The following NAALADL2 variants were observed in gnomAD, a reference collection of about 807,000 sequenced individuals.
NAALADL2 encodes inactive N-acetylated-alpha-linked acidic dipeptidase-like protein 2.
NAALADL2 carries 76 observed loss-of-function variants against 87.2 expected under a neutral mutation model. The observed-to-expected ratio is 0.87, with a 90% CI of 0.72 to 1.05. The LOEUF (loss-of-function observed/expected upper bound fraction) is 1.05. Among genes scored for constraint, NAALADL2 ranks in the 50% least tolerant of loss-of-function variants. The pLI is 0.00. For missense variants in NAALADL2, 1,089 were observed against 945.8 expected (o/e 1.15, Z -1.99); for synonymous variants, 354 against 331.0 (o/e 1.07, Z -0.75).
chr3:174,966,617 T>C (rs1302262949), intron 1 of NAALADL2, among the ~76,000 whole-genome samples: 1 of 152,060 alleles, frequency 6.6e-6, no homozygotes, highest in African/African-American at 2.4e-5. Flanking sequence ...TAGATGGCGG[T>C]AACAGAGAAT....
intron 1 of NAALADL2, among the ~76,000 whole-genome samples, chr3:174,991,860 A>G (rs1746795091): frequency 6.6e-6 from 1 of 152,118 alleles, no homozygotes; most frequent in Admixed American, 6.6e-5. Flanking sequence ...CTTTTAGGAA[A>G]GGTAACGTTT....
intron 1 of NAALADL2, among the ~76,000 whole-genome samples, chr3:174,513,112 C>T (rs949359361): frequency 6.6e-6 from 1 of 152,024 alleles, no homozygotes; most frequent in African/African-American, 2.4e-5. Context: ...CAAGCGTGTG[C>T]CACCACGCCT....
At chr3:175,728,068 GT>G (rs1293543650) in intron 11 of NAALADL2, among the ~76,000 whole-genome samples, 3 of 152,048 alleles carry the variant, frequency 2.0e-5, no homozygotes, top group Non-Finnish European at 2.9e-5. Context: ...TTACTTTCAA[GT>G]AATTTTTTTA....
chr3:175,628,697 G>T (rs1727347212), intron 11 of NAALADL2, among the ~76,000 whole-genome samples: 1 of 146,832 alleles, frequency 6.8e-6, no homozygotes, highest in African/African-American at 2.5e-5. Flanking sequence ...TTTCTTGAAA[G>T]ATTGAATCAT....
chr3:175,800,138 C>A (rs1274061665), intron 13 of NAALADL2, among the ~76,000 whole-genome samples: 1 of 152,136 alleles, frequency 6.6e-6, no homozygotes, highest in Non-Finnish European at 1.5e-5. Flanking sequence ...CAGGTGACCA[C>A]AATGTGGATC....
intron 5 of NAALADL2, among the ~76,000 whole-genome samples, chr3:175,383,568 T>C (rs1445687300): frequency 1.3e-5 from 2 of 152,042 alleles, no homozygotes; most frequent in African/African-American, 2.4e-5. Flanking sequence ...TTAACCAGCA[T>C]ATCCCCTAGA....
chr3:174,781,060 A>C (rs1715911386), intron 3 of NAALADL2, among the ~76,000 whole-genome samples: 1 of 151,970 alleles, frequency 6.6e-6, no homozygotes, highest in African/African-American at 2.4e-5. Flanking sequence ...CTGGATATGA[A>C]ATTCTGGGTT....
At chr3:175,393,253 C>T (rs1420346985) in intron 5 of NAALADL2, among the ~76,000 whole-genome samples, 8 of 116,690 alleles carry the variant, frequency 6.9e-5, no homozygotes, top group Non-Finnish European at 1.1e-4. Context: ...CGCAGTCCGG[C>T]CTGGGCGACA....
intron 2 of NAALADL2, among the ~76,000 whole-genome samples, chr3:175,172,626 A>C (rs1442034570): frequency 6.6e-6 from 1 of 152,212 alleles, no homozygotes; most frequent in Non-Finnish European, 1.5e-5. Flanking sequence ...AAGTAAGAGA[A>C]ACATACATGA....
chr3:174,584,286 A>G (rs1049802922), intron 2 of NAALADL2, among the ~76,000 whole-genome samples: 2 of 152,164 alleles, frequency 1.3e-5, no homozygotes, highest in African/African-American at 4.8e-5. Context: ...AAAGCAAGTA[A>G]TCAGATACAC....
intron 11 of NAALADL2, among the ~76,000 whole-genome samples, chr3:175,639,291 C>A (rs1221804938): frequency 6.9e-6 from 1 of 143,900 alleles, no homozygotes; most frequent in Non-Finnish European, 1.5e-5. Context: ...CTTCTGCCCA[C>A]AGCAGTTTTT....
chr3:175,324,028 C>CAAAAAAAAAAAAAA (rs372517580), intron 4 of NAALADL2, 147 bp from the exon 5 acceptor site: 32 of 436,728 alleles, frequency 7.3e-5, no homozygotes, highest in African/African-American at 3.5e-4. Flanking sequence ...AAAAAACAAA[C>CAAAAAAAAAAAAAA]AAAAAAAAAA....
At chr3:175,537,829 A>G (rs547420904) in intron 9 of NAALADL2, among the ~76,000 whole-genome samples, 45 of 152,346 alleles carry the variant, frequency 3.0e-4, no homozygotes, top group Non-Finnish European at 5.9e-4. Flanking sequence ...TAGCATGTAC[A>G]GAATTGGGAA....
chr3:175,394,706 A>G (rs866261905), intron 5 of NAALADL2, among the ~76,000 whole-genome samples: 3 of 152,188 alleles, frequency 2.0e-5, no homozygotes, highest in African/African-American at 7.2e-5. Context: ...CAAGACCCCA[A>G]GTGGATGCCT....
At chr3:174,976,361 C>T (rs898639463) in intron 1 of NAALADL2, among the ~76,000 whole-genome samples, 1 of 152,060 alleles carries the variant, frequency 6.6e-6, no homozygotes, top group Non-Finnish European at 1.5e-5. Flanking sequence ...ATTTTAAGTA[C>T]ACATAAGTAA....
chr3:175,576,976 T>C (rs1718999821), intron 10 of NAALADL2, among the ~76,000 whole-genome samples: 1 of 152,220 alleles, frequency 6.6e-6, no homozygotes, highest in Non-Finnish European at 1.5e-5. Flanking sequence ...AAATTATGTT[T>C]GTATAGGCTC....
At chr3:174,529,769 G>C (rs1721075636) in intron 1 of NAALADL2, among the ~76,000 whole-genome samples, 2 of 152,146 alleles carry the variant, frequency 1.3e-5, no homozygotes, top group Admixed American at 1.3e-4. Flanking sequence ...CACAACCCAG[G>C]CTCTATGTTG....
intron 1 of NAALADL2, chr3:175,059,957 T>C: frequency 6.9e-6 from 3 of 435,386 alleles, no homozygotes; most frequent in Admixed American, 2.7e-5. Flanking sequence ...TAACCTTCGA[T>C]GTAGCTCTTG....
chr3:174,673,238 C>G (rs1358691436), intron 2 of NAALADL2, among the ~76,000 whole-genome samples: 2 of 151,900 alleles, frequency 1.3e-5, no homozygotes, highest in African/African-American at 4.8e-5. Flanking sequence ...TTGGGGCTAA[C>G]AGGTAACTGA....
Sources: gnomAD v4.1 joint callset for allele counts (sites outside exome capture counted in the v4.1 genomes callset) on GRCh38, gnomAD v4.1.1 for gene constraint, MANE v1.5 for transcripts, NCBI Gene and HGNC (gene_info 2026-07-23, HGNC 2026-07-21) for gene names.